The following RBPJL variants were observed in gnomAD, a reference collection of about 807,000 sequenced individuals.
RBPJL encodes the protein recombining binding protein suppressor of hairless-like protein.
A neutral mutation model predicts 57.6 loss-of-function variants in RBPJL; 50 were observed. The ratio of observed to expected loss-of-function variants is 0.87; its 90% CI spans 0.69 to 1.10. The LOEUF (loss-of-function observed/expected upper bound fraction) is 1.10, where lower values mean the gene tolerates loss of function less well. Among genes scored for constraint, RBPJL ranks in the 50% least tolerant of loss-of-function variants. The probability of loss-of-function intolerance (pLI) is 0.00; values close to 1 mark genes in which losing one functional copy is unlikely to be tolerated. For synonymous variants in RBPJL, 303 were observed against 294.4 expected (o/e 1.03, Z -0.30); for missense variants, 684 against 693.7 (o/e 0.99, Z 0.16).
chr20:45,307,605 G>T lies in RBPJL; in HGVS notation c.23-538G>T, dbSNP rs140460709. On this transcript the variant is annotated intron_variant, in intron 1 of 11. Coordinates refer to ENST00000343694, the MANE Select transcript of RBPJL (RefSeq NM_014276.4). ...TCTGGGCCCCTAAATCTTGGTTAAGGTTCCCCTCATCCCATTCTTGGTCTG... is the reference window on the plus strand; with the variant it reads ...TCTGGGCCCCTAAATCTTGGTTAAGTTTCCCCTCATCCCATTCTTGGTCTG... Among the ~76,000 whole-genome samples the T allele has an allele frequency of 5.3e-5, 8 of 152,276 alleles. No homozygotes were observed. In the East Asian group the frequency reaches 1.5e-3, roughly 29 times the overall value.
At position 45,316,276 on chromosome 20, in the gene RBPJL, C is replaced by T; in HGVS notation, c.1110C>T (p.Ser370=). 2 of 1,614,224 alleles carry T rather than the reference C, an allele frequency of 1.2e-6. No homozygotes were observed. Among genetic ancestry groups the T allele is most frequent in the South Asian group, 1.1e-5 (1 of 91,090 alleles). Residue 370 remains serine, a synonymous_variant, in exon 10 of 12, where the codon TCC becomes TCT. Transcript: ENST00000343694. ...TCGGCACCGAGTCGGTGGAATTTTC[C>T]TTCAGCACCAGCCTGGCGTGTACCC... ...TIIGTESVEF[S]FSTSLACTLE...
At position 45,317,088 on chromosome 20, in the gene RBPJL, T is replaced by C. The variant is rs1600723194; in HGVS notation, c.*129T>C. 8.4e-7 allele frequency: 1 copy of C among 1,190,244 alleles called. No individual in the cohort carries two copies. The highest frequency in any genetic ancestry group is 2.4e-5 in the East Asian group (1 of 42,072). The allele number at this position is 1,190,244 out of a possible 1,614,324, so 73.7% of individuals were successfully genotyped here. On this transcript the variant is annotated 3_prime_UTR_variant, in exon 12 of 12. Coordinates refer to ENST00000343694, the MANE Select transcript of RBPJL (RefSeq NM_014276.4). The stretch of plus-strand genomic sequence containing the variant: ...CAGAAGGGCAGCTGAAGGCTCACCC[T>C]AGAAACCGGGCCTGGTGGGTCTTAC...
intron 9 of RBPJL, 38 bp from the exon 10 acceptor site, chr20:45,316,149 G>A (rs1477068774): frequency 1.9e-6 from 3 of 1,600,160 alleles, no homozygotes; most frequent in Non-Finnish European, 1.7e-6. Context: ...TGGCCACCAT[G>A]AGAAGCTTCG....
At position 45,314,504 on chromosome 20, in the gene RBPJL, G is replaced by C. The variant is rs1987358797; in HGVS notation, c.959G>C (p.Ser320Thr). The change falls in exon 9 of 12, where the codon AGT (serine) becomes ACT (threonine). Residue 320 changes from serine to threonine, a missense_variant. Coordinates refer to ENST00000343694, the MANE Select transcript of RBPJL (RefSeq NM_014276.4). ...AAGTGTGCATTCCAGTTTCCAGGCA[G>C]TCCCCCAGGAGGGGGTGGCACCTAC... ...LHKCAFQFPG[S>T]PPGGGGTYLC... 6.2e-7 allele frequency: 1 copy of C among 1,614,068 alleles called. No individual in the cohort carries two copies. Among genetic ancestry groups the C allele is most frequent in the Admixed American group, 1.7e-5 (1 of 60,010 alleles).
Position 45,309,552 on chromosome 20 carries a change from C to G in RBPJL, c.132-15C>G. ...TCCCTCCTGTGGCTGGTCGACCTGC[C>G]TGCCCTACTCCCAGGTCATCCCCAG... On this transcript the variant is annotated splice_polypyrimidine_tract_variant and intron_variant, in intron 2 of 11. Transcript: ENST00000343694. The G allele has an allele frequency of 6.3e-7, 1 of 1,598,568 alleles. No individual in the cohort carries two copies. Among genetic ancestry groups the G allele is most frequent in the South Asian group, 1.1e-5 (1 of 88,522 alleles).
chr20:45,307,808 C>T lies in RBPJL; in HGVS notation c.23-335C>T, dbSNP rs566594055. Among the ~76,000 whole-genome samples the T allele has an allele frequency of 2.0e-5, 3 of 152,170 alleles. No individual in the cohort carries two copies. The East Asian group carries it at 5.8e-4, about 29-fold the overall frequency. The stretch of plus-strand genomic sequence containing the variant: ...TGGCGATGTCGTGGCAGGACTGATA[C>T]TAGAACCTGGGATTCCTCTGAGGAG... On this transcript the variant is annotated intron_variant, in intron 1 of 11. Transcript: ENST00000343694.
At chr20:45,316,385 T>G in intron 10 of RBPJL, 43 bp downstream of exon 10, 3 of 1,607,876 alleles carry the variant, frequency 1.9e-6, no homozygotes, top group Non-Finnish European at 2.6e-6. Context: ...GGACCCTGCC[T>G]GCACTGGGCA....
intron 9 of RBPJL, chr20:45,315,882 AAAG>A (rs1256748629): frequency 1.9e-5 from 6 of 319,108 alleles, no homozygotes; most frequent in African/African-American, 2.1e-5. Context: ...GGAAGGAAAG[AAAG>A]AAAAAGAAAG....
chr20:45,314,231 C>A, intron 8 of RBPJL, 87 bp downstream of exon 8: 5 of 1,332,384 alleles, frequency 3.8e-6, no homozygotes, highest in South Asian at 1.2e-5. Flanking sequence ...GAGAGTGAGG[C>A]CCCAAGGCAT....
chr20:45,316,390 TG>T, intron 10 of RBPJL, 48 bp downstream of exon 10: 1 of 1,605,592 alleles, frequency 6.2e-7, no homozygotes, highest in Non-Finnish European at 8.5e-7. Flanking sequence ...CTGCCTGCAC[TG>T]GGCAGTGGTG....
chr20:45,317,128 C>A lies in RBPJL; in HGVS notation c.*169C>A. 1 of 722,454 alleles carries A rather than the reference C, an allele frequency of 1.4e-6. No individual in the cohort carries two copies. The highest frequency in any genetic ancestry group is 2.2e-6 in the Non-Finnish European group (1 of 445,854). 44.8% of individuals were successfully genotyped at this position (722,454 alleles called of 1,614,324 possible). On this transcript the variant is annotated 3_prime_UTR_variant, in exon 12 of 12. Transcript: ENST00000343694. The stretch of plus-strand genomic sequence containing the variant: ...GTGGGTCTTACCCGGCTCACTCCCT[C>A]CCTTGTCCTTACACATACAGGAAGA...
chr20:45,311,493 G>A (rs1025327667), intron 3 of RBPJL, 96 bp from the exon 4 acceptor site: 4 of 1,156,378 alleles, frequency 3.5e-6, no homozygotes, highest in East Asian at 2.4e-5. Flanking sequence ...AGGAGGAAAC[G>A]AAGGTTCTGC....
At chr20:45,308,837 C>T (rs1427355134) in intron 2 of RBPJL, among the ~76,000 whole-genome samples, 1 of 152,058 alleles carries the variant, frequency 6.6e-6, no homozygotes, top group Non-Finnish European at 1.5e-5. Context: ...CGCTCAAGAC[C>T]CCCAGGTTAA....
Position 45,311,649 on chromosome 20 carries a change from G to A in RBPJL, c.318G>A (p.Gly106=), listed in dbSNP as rs886818598. The A allele has an allele frequency of 8.2e-5, 133 of 1,614,030 alleles. No individual in the cohort carries two copies. Among genetic ancestry groups the A allele is most frequent in the Non-Finnish European group, 1.1e-4 (129 of 1,180,024 alleles). ...LSGPGWRVKP[G]QDQAHQAGET... is the part of the protein sequence containing the mutation. ...GGCCTGGCTGGAGGGTGAAGCCAGGGCAGGATCAAGGTGAGGGCGGAATCA... is the reference window on the plus strand; with the variant it reads ...GGCCTGGCTGGAGGGTGAAGCCAGGACAGGATCAAGGTGAGGGCGGAATCA... Residue 106 remains glycine (G), a synonymous_variant, in exon 4 of 12, where the codon GGG becomes GGA. Transcript: ENST00000343694.
In RBPJL at chr20:45,316,798, C is replaced by T; in HGVS notation, c.1393C>T (p.Leu465Phe). The change falls in exon 12 of 12, where the codon CTC (leucine) becomes TTC (phenylalanine). Residue 465 changes from leucine (L) to phenylalanine (F), a missense_variant. Transcript: ENST00000343694. ...IPMSLVRADG[L>F]FYPSAFSFTY... ...CATGAGCCTGGTGCGCGCCGACGGG[C>T]TCTTCTACCCTAGTGCCTTCTCCTT... The T allele has an allele frequency of 6.2e-7, 1 of 1,613,922 alleles. No individual in the cohort carries two copies. Among genetic ancestry groups the T allele is most frequent in the Non-Finnish European group, 8.5e-7 (1 of 1,179,846 alleles).
Position 45,314,123 on chromosome 20 carries a change from C to T in RBPJL, c.846C>T (p.Thr282=), listed in dbSNP as rs747780412. The T allele has an allele frequency of 3.2e-5, 51 of 1,613,718 alleles. No individual in the cohort carries two copies. Among genetic ancestry groups the T allele is most frequent in the Non-Finnish European group, 4.1e-5 (48 of 1,179,748 alleles). Reference sequence around the variant, plus strand: ...TGGTGCAGCTCGTCTGCACGGTCACCGGCATCACACTACCTCCCATGGTAT... The same window carrying T: ...TGGTGCAGCTCGTCTGCACGGTCACTGGCATCACACTACCTCCCATGGTAT... ...GSLVQLVCTV[T]GITLPPMIIR... Residue 282 remains threonine (T), a synonymous_variant, in exon 8 of 12, where the codon ACC becomes ACT. Coordinates refer to ENST00000343694, the MANE Select transcript of RBPJL (RefSeq NM_014276.4).
intron 9 of RBPJL, 39 bp from the exon 10 acceptor site, chr20:45,316,148 T>C: frequency 6.3e-7 from 1 of 1,599,710 alleles, no homozygotes; most frequent in Non-Finnish European, 8.6e-7. Context: ...GTGGCCACCA[T>C]GAGAAGCTTC....
At chr20:45,307,524 G>A (rs1261375230) in intron 1 of RBPJL, among the ~76,000 whole-genome samples, 2 of 152,166 alleles carry the variant, frequency 1.3e-5, no homozygotes, top group South Asian at 2.1e-4. Flanking sequence ...GACAGCATGA[G>A]GGCTAAGGCA....
Position 45,316,322 on chromosome 20 carries a change from CCT to C in RBPJL, c.1160_1161del (p.Leu387HisfsTer82), listed in dbSNP as rs1987462942. On this transcript the variant is annotated frameshift_variant, in exon 10 of 12. Transcript: ENST00000343694. LOFTEE classifies it high-confidence loss of function. ...TACCCTGGAGCCGGTCACTCCGGTG[CCT>C]CTCATCAGCACCCTAGAGGTGAAGC... ...ACTLEPVTPV[P>X]LISTLELSGG... is the part of the protein sequence containing the mutation. 6.2e-7 allele frequency: 1 copy of C among 1,613,988 alleles called. No individual in the cohort carries two copies. Among genetic ancestry groups the C allele is most frequent in the East Asian group, 2.2e-5 (1 of 44,884 alleles).
Sources: gnomAD v4.1 joint callset for allele counts (sites outside exome capture counted in the v4.1 genomes callset) on GRCh38, gnomAD v4.1.1 for gene constraint, MANE v1.5 for transcripts, NCBI Gene and HGNC (gene_info 2026-07-23, HGNC 2026-07-21) for gene names.